Variants in DOHH observed in about 807,000 individuals in gnomAD.
DOHH encodes HEAT-like (PBS lyase) repeat containing 1.
A neutral mutation model predicts 19.9 loss-of-function variants in DOHH; 16 were observed. The ratio of observed to expected loss-of-function variants is 0.80; its 90% CI spans 0.54 to 1.22. The LOEUF (loss-of-function observed/expected upper bound fraction) is 1.22. Ranked by LOEUF, DOHH falls within the 50% of genes most tolerant of loss-of-function variation. The pLI is 0.00. For synonymous variants in DOHH, 233 were observed against 217.0 expected (o/e 1.07, Z -0.65); for missense variants, 460 against 460.6 (o/e 1.00, Z 0.01).
rs1039830538 is a variant in DOHH at position 3,496,916 on chromosome 19, G to A, written c.-72-30C>T. On this transcript the variant is annotated intron_variant, in intron 1 of 4. Coordinates refer to ENST00000427575, the MANE Select transcript of DOHH (RefSeq NM_001145165.2). This position sits in a 1 kb window ranked among gnomAD's most constrained non-coding sequence, Gnocchi z 4.8. ...GGCAGAAAAATGAGAGCCCAGGTTA[G>A]AAGCCCCCTTCACCAGTGCGTTGTC... 43 of 1,354,782 alleles carry A rather than the reference G, an allele frequency of 3.2e-5. No homozygotes were observed. The highest frequency in any genetic ancestry group is 2.9e-5 in the Admixed American group (1 of 35,004). 83.9% of individuals were successfully genotyped at this position (1,354,782 alleles called of 1,614,324 possible).
In DOHH at chr19:3,491,383, G is replaced by T; in HGVS notation, c.*109C>A. On this transcript the variant is annotated 3_prime_UTR_variant, in exon 5 of 5. Transcript: ENST00000427575. This position sits in a 1 kb window ranked among gnomAD's most constrained non-coding sequence, Gnocchi z 5.6. ...GGGACAGCAACCATGCGCCCAGCAA[G>T]ACACAAGCGATGACACCGATTTACA... 1 of 1,206,754 alleles carries T rather than the reference G, an allele frequency of 8.3e-7. No homozygotes were observed. Among genetic ancestry groups the T allele is most frequent in the Non-Finnish European group, 1.1e-6 (1 of 876,128 alleles). 74.8% of individuals were successfully genotyped at this position (1,206,754 alleles called of 1,614,324 possible).
intron 2 of DOHH, 145 bp from the exon 3 acceptor site, chr19:3,494,249 A>G (rs2082891764): frequency 4.5e-6 from 3 of 669,338 alleles, no homozygotes; most frequent in South Asian, 3.8e-5. Flanking sequence ...TTGGAGCAGC[A>G]GTCGGTACAG....
intron 2 of DOHH, among the ~76,000 whole-genome samples, chr19:3,494,567 A>G (rs998884902): frequency 6.6e-6 from 1 of 152,212 alleles, no homozygotes; most frequent in Non-Finnish European, 1.5e-5. Flanking sequence ...AGACTCCAGA[A>G]TTTGGGGCCA....
chr19:3,492,281 G>A lies in DOHH; in HGVS notation c.570C>T (p.Ala190=), dbSNP rs758104640. 23 of 1,494,124 alleles carry A rather than the reference G, an allele frequency of 1.5e-5. No individual in the cohort carries two copies. In the South Asian group the frequency reaches 2.5e-4, roughly 16 times the overall value. 92.6% of individuals were successfully genotyped at this position (1,494,124 alleles called of 1,614,324 possible). The change falls in exon 4 of 5, where the codon GCC becomes GCT. Residue 190 remains alanine, a synonymous_variant. Coordinates refer to ENST00000427575, the MANE Select transcript of DOHH (RefSeq NM_001145165.2). ...FALRNAGGEE[A]ALALAEGLHC... is the part of the protein sequence containing the mutation. Reference sequence around the variant, plus strand: ...CCTCACCCTCGGCCAGCGCCAGGGCGGCCTCCTCGCCTCCCGCGTTGCGCA... The same window carrying A: ...CCTCACCCTCGGCCAGCGCCAGGGCAGCCTCCTCGCCTCCCGCGTTGCGCA...
At position 3,492,423 on chromosome 19, in the gene DOHH, G is replaced by A. The variant is rs984140661; in HGVS notation, c.428C>T (p.Pro143Leu). The A allele has an allele frequency of 6.7e-7, 1 of 1,501,784 alleles. No homozygotes were observed. The highest frequency in any genetic ancestry group is 1.4e-5 in the African/African-American group (1 of 70,270). The allele number at this position is 1,501,784 out of a possible 1,614,324, so 93.0% of individuals were successfully genotyped here. A position where few individuals can be genotyped will look rare whatever the true frequency, so the allele number is the denominator to read the frequency against. The change falls in exon 4 of 5, where the codon CCC becomes CTC. Residue 143 changes from proline to leucine, a missense_variant. Physicochemically the swap from Pro to Leu is moderately conservative, Grantham distance 98. Transcript: ENST00000427575. Reference protein sequence around the residue: ...QQHGGEPAAGPYLSVDPAPPA... With the variant: ...QQHGGEPAAGLYLSVDPAPPA... ...CGGGGCAGGGTCCACGGAGAGGTAG[G>A]GTCCCGCCGCCGGCTCCCCGCCGTG...
chr19:3,496,739 G>T lies in DOHH; in HGVS notation c.76C>A (p.Arg26=). The T allele has an allele frequency of 6.2e-7, 1 of 1,612,080 alleles. No homozygotes were observed. The highest frequency in any genetic ancestry group is 8.5e-7 in the Non-Finnish European group (1 of 1,179,666). ...DPKQPLQARF[R]ALFTLRGLGG... ...AGCCCACGCAGCGTGAACAGCGCCC[G>T]GAAGCGGGCCTGCAGGGGCTGCTTG... The change falls in exon 2 of 5, where the codon CGG becomes AGG. Residue 26 remains arginine, a synonymous_variant. Transcript: ENST00000427575. This position sits in a 1 kb window ranked among gnomAD's most constrained non-coding sequence, Gnocchi z 4.8.
In DOHH at chr19:3,491,741, C is replaced by T. The variant is rs1014867921; in HGVS notation, c.660G>A (p.Ala220=). Residue 220 remains alanine (A), a synonymous_variant, in exon 5 of 5, where the codon GCG becomes GCA. Coordinates refer to ENST00000427575, the MANE Select transcript of DOHH (RefSeq NM_001145165.2). This position sits in a 1 kb window ranked among gnomAD's most constrained non-coding sequence, Gnocchi z 5.6. ...GYVLGQLQHE[A]AVPQLAAALA... ...GGGCGGCCGCCAGCTGGGGCACCGCCGCCTCGTGCTGCAGCTGTCCCAGGA... is the reference window on the plus strand; with the variant it reads ...GGGCGGCCGCCAGCTGGGGCACCGCTGCCTCGTGCTGCAGCTGTCCCAGGA... 1.7e-5 allele frequency: 25 copies of T among 1,510,588 alleles called. No homozygotes were observed. Among genetic ancestry groups the T allele is most frequent in the Non-Finnish European group, 2.0e-5 (23 of 1,132,348 alleles). The allele number at this position is 1,510,588 out of a possible 1,614,324, so 93.6% of individuals were successfully genotyped here.
chr19:3,500,213 G>C (rs2082940043), intron 1 of DOHH, among the ~76,000 whole-genome samples: 1 of 152,216 alleles, frequency 6.6e-6, no homozygotes, highest in Non-Finnish European at 1.5e-5. Context: ...GGCTGCCTGG[G>C]CTTGACGAGG....
Position 3,492,398 on chromosome 19 carries a change from C to A in DOHH, c.453G>T (p.Pro151=), listed in dbSNP as rs753777762. The A allele has an allele frequency of 2.0e-6, 3 of 1,529,018 alleles. No individual in the cohort carries two copies. Among genetic ancestry groups the A allele is most frequent in the Non-Finnish European group, 2.6e-6 (3 of 1,144,700 alleles). The allele number at this position is 1,529,018 out of a possible 1,614,324, so 94.7% of individuals were successfully genotyped here. ...AGPYLSVDPA[P]PAEERDVGRL... is the part of the protein sequence containing the mutation. ...GCCCCACGTCACGCTCCTCAGCCGGCGGGGCAGGGTCCACGGAGAGGTAGG... is the reference window on the plus strand; with the variant it reads ...GCCCCACGTCACGCTCCTCAGCCGGAGGGGCAGGGTCCACGGAGAGGTAGG... The change falls in exon 4 of 5, where the codon CCG becomes CCT. Residue 151 remains proline, a synonymous_variant. Transcript: ENST00000427575.
chr19:3,491,861 GCT>G lies in DOHH; in HGVS notation c.590-52_590-51del. ...GGGGCCAGGAGGGGTGGGAAGGGGA[GCT>G]CTGTCTTTTCGAAGACATGGGGTCT... On this transcript the variant is annotated intron_variant, in intron 4 of 4. Coordinates refer to ENST00000427575, the MANE Select transcript of DOHH (RefSeq NM_001145165.2). The surrounding 1 kb of genome is among the most constrained non-coding windows in gnomAD (Gnocchi z 5.6). 7.1e-7 allele frequency: 1 copy of G among 1,401,124 alleles called. No individual in the cohort carries two copies. The highest frequency in any genetic ancestry group is 2.8e-5 in the East Asian group (1 of 35,436). 86.8% of individuals were successfully genotyped at this position (1,401,124 alleles called of 1,614,324 possible). A position where few individuals can be genotyped will look rare whatever the true frequency, so the allele number is the denominator to read the frequency against.
intron 1 of DOHH, among the ~76,000 whole-genome samples, chr19:3,497,327 C>G (rs764685246): frequency 2.2e-4 from 33 of 152,246 alleles, no homozygotes; most frequent in Non-Finnish European, 3.7e-4. Flanking sequence ...GCATAAAAAG[C>G]ACAACAGTCT....
Position 3,496,558 on chromosome 19 carries a change from A to T in DOHH, c.257T>A (p.Met86Lys). The change falls in exon 2 of 5, where the codon ATG becomes AAG. Residue 86 changes from methionine (M) to lysine (K), a missense_variant. Physicochemically the swap from Met to Lys is moderately conservative, Grantham distance 95. Transcript: ENST00000427575. The surrounding 1 kb of genome is among the most constrained non-coding windows in gnomAD (Gnocchi z 4.8). ...DVLQDTRQEP[M>K]VRHEAGEALG... ...GTGCTCACCTGCCTCATGGCGCACC[A>T]TGGGCTCCTGACGGGTGTCTTGCAG... 6.2e-7 allele frequency: 1 copy of T among 1,612,436 alleles called. No homozygotes were observed. The highest frequency in any genetic ancestry group is 8.5e-7 in the Non-Finnish European group (1 of 1,179,236).
At chr19:3,500,515 C>G (rs2082942642) in intron 1 of DOHH, 46 bp downstream of exon 1, 1 of 152,268 alleles carries the variant, frequency 6.6e-6, no homozygotes, top group South Asian at 2.1e-4. Flanking sequence ...CACCGCCCGC[C>G]AGACCCGGGC....
chr19:3,496,742 A>C lies in DOHH; in HGVS notation c.73T>G (p.Phe25Val), dbSNP rs773095684. The C allele has an allele frequency of 3.3e-5, 53 of 1,611,748 alleles. No individual in the cohort carries two copies. The highest frequency in any genetic ancestry group is 4.2e-5 in the Non-Finnish European group (50 of 1,179,618). Residue 25 changes from phenylalanine to valine, a missense_variant, in exon 2 of 5, where the codon TTC becomes GTC. Coordinates refer to ENST00000427575, the MANE Select transcript of DOHH (RefSeq NM_001145165.2). This position sits in a 1 kb window ranked among gnomAD's most constrained non-coding sequence, Gnocchi z 4.8. ...VDPKQPLQAR[F>V]RALFTLRGLG... is the part of the protein sequence containing the mutation. Reference sequence around the variant, plus strand: ...CCACGCAGCGTGAACAGCGCCCGGAAGCGGGCCTGCAGGGGCTGCTTGGGG... The same window carrying C: ...CCACGCAGCGTGAACAGCGCCCGGACGCGGGCCTGCAGGGGCTGCTTGGGG...
intron 1 of DOHH, among the ~76,000 whole-genome samples, chr19:3,498,397 A>C (rs1195273635): frequency 6.6e-6 from 1 of 152,060 alleles, no homozygotes; most frequent in Non-Finnish European, 1.5e-5. Flanking sequence ...AGGCATGACA[A>C]GATAATGAAG....
intron 2 of DOHH, among the ~76,000 whole-genome samples, chr19:3,494,842 CTG>C (rs2082896912): frequency 1.3e-5 from 2 of 152,252 alleles, no homozygotes; most frequent in Admixed American, 6.5e-5. Flanking sequence ...AACACAGGCT[CTG>C]TGTCAGGCAC....
rs867162927 is a variant in DOHH at position 3,500,220 on chromosome 19, G to T, written c.-73+341C>A. On this transcript the variant is annotated intron_variant, in intron 1 of 4. Coordinates refer to ENST00000427575, the MANE Select transcript of DOHH (RefSeq NM_001145165.2). ...GTCAGCAAGGCTGCCTGGGCTTGACGAGGGCAGTGTAGCCACCTAAGCACA... is the reference window on the plus strand; with the variant it reads ...GTCAGCAAGGCTGCCTGGGCTTGACTAGGGCAGTGTAGCCACCTAAGCACA... 3.3e-5 allele frequency among the ~76,000 whole-genome samples: 5 copies of T among 152,254 alleles called. No individual in the cohort carries two copies. In the South Asian group the frequency reaches 1.0e-3, roughly 32 times the overall value.
intron 1 of DOHH, among the ~76,000 whole-genome samples, chr19:3,497,796 T>C (rs1165286592): frequency 6.6e-6 from 1 of 152,038 alleles, no homozygotes; most frequent in Non-Finnish European, 1.5e-5. Context: ...AGCTAATTTT[T>C]TTTTTATTAT....
At chr19:3,497,568 C>T (rs558238623) in intron 1 of DOHH, among the ~76,000 whole-genome samples, 2 of 152,296 alleles carry the variant, frequency 1.3e-5, no homozygotes, top group South Asian at 2.1e-4. Context: ...GCCAGCTAAG[C>T]CAGGCCCAGA....
Sources: gnomAD v4.1 joint callset for allele counts (sites outside exome capture counted in the v4.1 genomes callset) on GRCh38, gnomAD v4.1.1 for gene constraint, Gnocchi (gnomAD v3.1) non-coding constraint, MANE v1.5 for transcripts, NCBI Gene and HGNC (gene_info 2026-07-23, HGNC 2026-07-21) for gene names.